The following DCDC2 variants were observed in gnomAD, a reference collection of about 807,000 sequenced individuals.
DCDC2 encodes doublecortin domain containing 2.
A neutral mutation model predicts 50.2 loss-of-function variants in DCDC2; 40 were observed. The observed-to-expected ratio is 0.80, with a 90% CI of 0.62 to 1.04. The LOEUF is 1.04. DCDC2 is among the 50% of genes least tolerant of loss of function. The pLI, the probability that DCDC2 is intolerant of heterozygous loss-of-function variation, is 0.00. For synonymous variants in DCDC2, 234 were observed against 210.6 expected (o/e 1.11, Z -0.96); for missense variants, 570 against 581.9 (o/e 0.98, Z 0.21).
chr6:24,202,530 T>C (rs1274640527), intron 8 of DCDC2, among the ~76,000 whole-genome samples: 1 of 152,244 alleles, frequency 6.6e-6, no homozygotes, highest in Non-Finnish European at 1.5e-5. Flanking sequence ...AATATCATAC[T>C]GAATGGGCAA....
intron 4 of DCDC2, among the ~76,000 whole-genome samples, chr6:24,297,333 G>C (rs369478818): frequency 6.6e-5 from 10 of 152,200 alleles, no homozygotes; most frequent in African/African-American, 2.4e-4. Context: ...GGAGGAGAGA[G>C]AGGAACAGTA....
chr6:24,272,860 T>C (rs1763266220), intron 7 of DCDC2, among the ~76,000 whole-genome samples: 1 of 152,194 alleles, frequency 6.6e-6, no homozygotes, highest in Admixed American at 6.5e-5. Context: ...ATTTCATTAC[T>C]GGATATCAAA....
chr6:24,200,613 A>T (rs572498595), intron 8 of DCDC2, among the ~76,000 whole-genome samples: 52 of 152,340 alleles, frequency 3.4e-4, no homozygotes, highest in African/African-American at 1.3e-3. Flanking sequence ...ATAACCAGCT[A>T]GCATCATAAT....
At chr6:24,302,115 T>A in intron 2 of DCDC2, 71 bp from the exon 3 acceptor site, 1 of 1,361,738 alleles carries the variant, frequency 7.3e-7, no homozygotes, top group Non-Finnish European at 1.0e-6. Flanking sequence ...ATGAGGAAAA[T>A]CTACAGTTTC....
In DCDC2 at chr6:24,205,022, C is replaced by T. The variant is rs1472251223; in HGVS notation, c.1003G>A (p.Val335Ile). ...ATTACCTGATCGACTGGAACCTCAA[C>T]CTGAGTATCTTCATCTTCTTGGACT... is the stretch of plus-strand genomic sequence containing the variant. ...AEVQEDEDTQ[V>I]EVPVDQRPAE... Residue 335 changes from valine (V) to isoleucine (I), a missense_variant, in exon 8 of 10, where the codon GTT (valine) becomes ATT (isoleucine). By Grantham distance (29) the Val-to-Ile change is conservative. Transcript: ENST00000378454. 2 of 1,613,834 alleles carry T rather than the reference C, an allele frequency of 1.2e-6. No individual in the cohort carries two copies. Among genetic ancestry groups the T allele is most frequent in the African/African-American group, 1.3e-5 (1 of 74,888 alleles).
rs375959200 is a variant in DCDC2, at chr6:24,242,733, G to A, written c.922+35316C>T. Among the ~76,000 whole-genome samples the A allele has an allele frequency of 7.9e-5, 12 of 152,278 alleles. 1 individual carries two copies. The highest frequency in any genetic ancestry group is 2.0e-4 in the Admixed American group (3 of 15,302). On this transcript the variant is annotated intron_variant, in intron 7 of 9. Transcript: ENST00000378454. ...TTCCAGCACCTTGGGAGGCCAAGAC[G>A]GGCGGATCACTTCAGGCCAGGAGTT... is the stretch of plus-strand genomic sequence containing the variant.
At chr6:24,275,082 T>G (rs988696663) in intron 7 of DCDC2, among the ~76,000 whole-genome samples, 18 of 152,228 alleles carry the variant, frequency 1.2e-4, no homozygotes, top group Non-Finnish European at 2.1e-4. Flanking sequence ...ACTTTCATTT[T>G]GCTTCAAATT....
intron 7 of DCDC2, among the ~76,000 whole-genome samples, chr6:24,222,714 C>T (rs1395322958): frequency 2.6e-5 from 4 of 151,984 alleles, no homozygotes; most frequent in African/African-American, 9.7e-5. Context: ...TATTATTTCT[C>T]GTTAAAAATA....
At chr6:24,328,014 T>C (rs1390843035) in intron 2 of DCDC2, among the ~76,000 whole-genome samples, 1 of 152,208 alleles carries the variant, frequency 6.6e-6, no homozygotes, top group African/African-American at 2.4e-5. Context: ...TCCATTTGCA[T>C]GGATGAAAAT....
At chr6:24,215,545 G>T (rs1328894663) in intron 7 of DCDC2, among the ~76,000 whole-genome samples, 1 of 152,144 alleles carries the variant, frequency 6.6e-6, no homozygotes, top group African/African-American at 2.4e-5. Context: ...GACTGATATT[G>T]CTGAGGTGGA....
intron 5 of DCDC2, among the ~76,000 whole-genome samples, chr6:24,290,284 C>T (rs1364304669): frequency 4.0e-5 from 6 of 151,516 alleles, no homozygotes; most frequent in Non-Finnish European, 4.4e-5. Flanking sequence ...TGAGCCACCG[C>T]GCCCGGCCCA....
At chr6:24,350,481 G>A (rs1447940684) in intron 2 of DCDC2, among the ~76,000 whole-genome samples, 3 of 152,096 alleles carry the variant, frequency 2.0e-5, no homozygotes, top group Non-Finnish European at 4.4e-5. Context: ...GTATGTTTTA[G>A]GCAACCAGAA....
At chr6:24,192,038 AT>A (rs1761324901) in intron 8 of DCDC2, among the ~76,000 whole-genome samples, 1 of 152,096 alleles carries the variant, frequency 6.6e-6, no homozygotes, top group Non-Finnish European at 1.5e-5. Context: ...AAATAGGTAG[AT>A]TGGCTCAGAG....
At chr6:24,182,420 C>T (rs757835254) in intron 8 of DCDC2, among the ~76,000 whole-genome samples, 3 of 151,926 alleles carry the variant, frequency 2.0e-5, no homozygotes, top group Non-Finnish European at 2.9e-5. Flanking sequence ...CTGATAAAGG[C>T]TTGATATCTA....
intron 7 of DCDC2, among the ~76,000 whole-genome samples, chr6:24,233,550 C>G (rs1394218018): frequency 2.0e-5 from 3 of 152,038 alleles, no homozygotes; most frequent in Non-Finnish European, 4.4e-5. Flanking sequence ...GTTATTTTAA[C>G]CCAGGTTTAA....
At chr6:24,301,930 G>A in intron 3 of DCDC2, 38 bp downstream of exon 3, 1 of 1,611,556 alleles carries the variant, frequency 6.2e-7, no homozygotes, top group African/African-American at 1.3e-5. Context: ...AAACCACCAA[G>A]CCAATTTTAA....
chr6:24,194,312 A>T (rs1761378312), intron 8 of DCDC2, among the ~76,000 whole-genome samples: 1 of 152,158 alleles, frequency 6.6e-6, no homozygotes, highest in African/African-American at 2.4e-5. Flanking sequence ...CCTCCAGTTT[A>T]AAAAAATTAT....
intron 2 of DCDC2, among the ~76,000 whole-genome samples, chr6:24,333,741 T>C (rs1170423719): frequency 1.3e-5 from 2 of 152,110 alleles, no homozygotes; most frequent in Admixed American, 6.6e-5. Flanking sequence ...ATATTCTGGA[T>C]GAAATAAAAT....
intron 2 of DCDC2, among the ~76,000 whole-genome samples, chr6:24,321,711 G>A (rs77257251): frequency 1.3e-5 from 2 of 152,148 alleles, no homozygotes; most frequent in East Asian, 1.9e-4. Context: ...AAGCAAAAGC[G>A]ATATCACTGG....
Sources: gnomAD v4.1 joint callset for allele counts (sites outside exome capture counted in the v4.1 genomes callset) on GRCh38, gnomAD v4.1.1 for gene constraint, MANE v1.5 for transcripts, NCBI Gene and HGNC (gene_info 2026-07-23, HGNC 2026-07-21) for gene names.